MBD5: variants seen among roughly 807,000 people sequenced by gnomAD.
MBD5 encodes methyl-CpG-binding domain protein 5.
In MBD5, 13 loss-of-function variants were observed where a neutral mutation model predicts 117.3. The ratio of observed to expected loss-of-function variants is 0.11; its 90% CI spans 0.07 to 0.18. The LOEUF (loss-of-function observed/expected upper bound fraction) is 0.18. MBD5 is among the 10% of genes least tolerant of loss of function. MBD5 has a pLI of 1.00. For synonymous variants in MBD5, 727 were observed against 766.4 expected, an observed-to-expected ratio of 0.95 and a Z score of 0.85; for missense variants, 1,879 against 2,093.8, an observed-to-expected ratio of 0.90 and a Z score of 2.00.
intron 8 of MBD5, among the ~76,000 whole-genome samples, chr2:148,479,600 C>T (rs1032310617): frequency 6.6e-6 from 1 of 152,094 alleles, no homozygotes; most frequent in African/African-American, 2.4e-5. Flanking sequence ...GCAGGTTCAA[C>T]CATGGGTAGG....
intron 4 of MBD5, among the ~76,000 whole-genome samples, chr2:148,424,204 A>AC (rs1206946799): frequency 4.3e-4 from 56 of 131,650 alleles, no homozygotes; most frequent in Non-Finnish European, 7.3e-4. Context: ...AAAAAAAAAA[A>AC]AAAAAAAAAA....
chr2:148,201,261 G>A (rs904451566), intron 2 of MBD5, among the ~76,000 whole-genome samples: 3 of 152,202 alleles, frequency 2.0e-5, no homozygotes, highest in Non-Finnish European at 4.4e-5. Flanking sequence ...CCAAGCACTG[G>A]CACAAGAGTG....
At chr2:148,224,702 G>A (rs1699775976) in intron 2 of MBD5, among the ~76,000 whole-genome samples, 1 of 151,490 alleles carries the variant, frequency 6.6e-6, no homozygotes, top group Admixed American at 6.6e-5. Context: ...TCTATCTTTA[G>A]CTCTAATAAT....
chr2:148,445,287 TC>T (rs1269739698), intron 4 of MBD5, among the ~76,000 whole-genome samples: 2 of 149,514 alleles, frequency 1.3e-5, no homozygotes, highest in South Asian at 2.1e-4. Flanking sequence ...CCCTCCCCGC[TC>T]CCCCCACCCC....
chr2:148,096,529 T>C (rs1696073116), intron 1 of MBD5, among the ~76,000 whole-genome samples: 1 of 152,152 alleles, frequency 6.6e-6, no homozygotes, highest in Non-Finnish European at 1.5e-5. Context: ...AACTACTGAG[T>C]GAAGTGGCCA....
chr2:148,269,669 T>G (rs1041471533), intron 3 of MBD5, among the ~76,000 whole-genome samples: 3 of 34,488 alleles, frequency 8.7e-5, no homozygotes, highest in Non-Finnish European at 1.8e-4. Context: ...GTTTTTTTAG[T>G]TTTTTTTTTT....
chr2:148,418,028 C>T (rs11901992), intron 4 of MBD5, among the ~76,000 whole-genome samples: 35,981 of 151,762 alleles, frequency 0.24, 4,806 homozygotes, highest in African/African-American at 0.36. Flanking sequence ...TCTGTGAAGA[C>T]GGGGTTTCAC....
intron 3 of MBD5, among the ~76,000 whole-genome samples, chr2:148,321,621 G>T (rs1182934226): frequency 2.0e-5 from 3 of 152,128 alleles, no homozygotes; most frequent in Non-Finnish European, 4.4e-5. Flanking sequence ...AATCACAAAA[G>T]CCTGGAATTC....
At chr2:148,440,402 C>A (rs1035726850) in intron 4 of MBD5, among the ~76,000 whole-genome samples, 1 of 152,104 alleles carries the variant, frequency 6.6e-6, no homozygotes, top group Non-Finnish European at 1.5e-5. Context: ...CTGGTGATAT[C>A]CCCTGAATGT....
chr2:148,240,416 T>A (rs1309683414), intron 3 of MBD5, among the ~76,000 whole-genome samples: 2 of 33,730 alleles, frequency 5.9e-5, no homozygotes, highest in Non-Finnish European at 9.1e-5. Context: ...TAAAGTATAA[T>A]TAAAGAAAAA....
intron 1 of MBD5, among the ~76,000 whole-genome samples, chr2:148,045,298 A>G (rs138250932): frequency 5.7e-4 from 87 of 152,332 alleles, no homozygotes; most frequent in African/African-American, 2.0e-3. Context: ...CCAAGGTTAC[A>G]TGACTAGTAA....
At chr2:148,323,374 C>A (rs1199501545) in intron 3 of MBD5, among the ~76,000 whole-genome samples, 1 of 151,552 alleles carries the variant, frequency 6.6e-6, no homozygotes, top group Non-Finnish European at 1.5e-5. Flanking sequence ...AATGGGATGG[C>A]TGGGTCAAAT....
At chr2:148,029,280 T>G (rs1693977340) in intron 1 of MBD5, among the ~76,000 whole-genome samples, 1 of 152,104 alleles carries the variant, frequency 6.6e-6, no homozygotes, top group Admixed American at 6.5e-5. Flanking sequence ...CTTTTTATAA[T>G]AAAACCTAAC....
chr2:148,235,060 T>G (rs1329763571), intron 3 of MBD5, among the ~76,000 whole-genome samples: 1 of 152,136 alleles, frequency 6.6e-6, no homozygotes, highest in Non-Finnish European at 1.5e-5. Context: ...TATGAAATAG[T>G]GCAGTTTTTG....
intron 3 of MBD5, among the ~76,000 whole-genome samples, chr2:148,254,025 C>T (rs34380714): frequency 0.23 from 35,208 of 152,132 alleles, 4,470 homozygotes; most frequent in East Asian, 0.53. Context: ...GGCAGGAACA[C>T]ATACCCATAG....
rs866871071 is a variant in MBD5 at position 148,326,664 on chromosome 2, C to A, written c.-679-15550C>A. Among the ~76,000 whole-genome samples, 990 of 151,658 alleles carry A rather than the reference C, an allele frequency of 6.5e-3. 4 individuals are homozygous for A. Among genetic ancestry groups the A allele is most frequent in the Non-Finnish European group, 8.9e-3 (604 of 67,762 alleles). Reference sequence around the variant, plus strand: ...TCAGAGACTAGGATTGCAACCCCTGCCTTTTTTTGTTTTCCATTTGCTTGG... The same window carrying A: ...TCAGAGACTAGGATTGCAACCCCTGACTTTTTTTGTTTTCCATTTGCTTGG... On this transcript the variant is annotated intron_variant, in intron 3 of 13. Transcript: ENST00000642680.
In MBD5 at chr2:148,266,212, A is replaced by T. The variant is rs1700856754; in HGVS notation, c.-680+32817A>T. 2.0e-5 allele frequency among the ~76,000 whole-genome samples: 3 copies of T among 152,124 alleles called. No individual in the cohort carries two copies. The South Asian group carries it at 6.2e-4, about 31-fold the overall frequency. ...CTGACCACGTAGGCTTTATTTGAGG[A>T]ATTCAAAAGTAGTTCAATGTTTTTC... On this transcript the variant is annotated intron_variant, in intron 3 of 13. Coordinates refer to ENST00000642680, the MANE Select transcript of MBD5 (RefSeq NM_001378120.1).
intron 2 of MBD5, among the ~76,000 whole-genome samples, chr2:148,206,968 C>G (rs1373354852): frequency 1.3e-5 from 2 of 152,248 alleles, no homozygotes; most frequent in Admixed American, 6.5e-5. Context: ...TTTGCAAAAC[C>G]AAATTACAAG....
chr2:148,261,025 G>C (rs938320830), intron 3 of MBD5, among the ~76,000 whole-genome samples: 1 of 152,162 alleles, frequency 6.6e-6, no homozygotes, highest in Admixed American at 6.5e-5. Context: ...CTGAGCAGTA[G>C]GTCTCTCAAC....
Sources: gnomAD v4.1 joint callset for allele counts (sites outside exome capture counted in the v4.1 genomes callset) on GRCh38, gnomAD v4.1.1 for gene constraint, MANE v1.5 for transcripts, NCBI Gene and HGNC (gene_info 2026-07-23, HGNC 2026-07-21) for gene names.